ZFHX3: variants seen among roughly 807,000 people sequenced by gnomAD.
ZFHX3 encodes zinc finger homeobox 3.
A neutral mutation model predicts 279.1 loss-of-function variants in ZFHX3; 42 were observed. The ratio of observed to expected loss-of-function variants is 0.15; its 90% confidence interval spans 0.12 to 0.19. The LOEUF is 0.19. Ranked by LOEUF, ZFHX3 falls within the 10% of genes least tolerant of loss-of-function variation. The probability of loss-of-function intolerance (pLI) is 1.00; values close to 1 mark genes in which losing one functional copy is unlikely to be tolerated. For synonymous variants in ZFHX3, 2,293 were observed against 1,957.8 expected (o/e 1.17, Z -4.52); for missense variants, 4,981 against 4,754.0 (o/e 1.05, Z -1.40).
chr16:73,400,447 T>C (rs1054784477), intron 3 of ZFHX3: 1 of 152,168 alleles, frequency 6.6e-6, no homozygotes, highest in Non-Finnish European at 1.5e-5. Context: ...CTCAGGCAAG[T>C]AGATCTGTGG....
At chr16:72,809,180 AT>A (rs1429010916) in intron 7 of ZFHX3, among the ~76,000 whole-genome samples, 1 of 152,264 alleles carries the variant, frequency 6.6e-6, no homozygotes, top group Non-Finnish European at 1.5e-5. Context: ...CTAGGGATAT[AT>A]AAATGAAATT....
At position 72,849,290 on chromosome 16, in the gene ZFHX3, A is replaced by G. The variant is rs1484386959; in HGVS notation, c.3449-19431T>C. On this transcript the variant is annotated intron_variant, in intron 4 of 9. Transcript: ENST00000268489. ...TTGCGTGGGAAAGCTCTGCAGCCAG[A>G]GGAGCTGCAAGAGAAAAACGTGGCT... 2.0e-5 allele frequency among the ~76,000 whole-genome samples: 3 copies of G among 152,156 alleles called. No homozygotes were observed. The East Asian group carries it at 5.8e-4, about 29-fold the overall frequency.
chr16:72,851,067 T>G (rs35868667), intron 4 of ZFHX3, among the ~76,000 whole-genome samples: 2 of 152,106 alleles, frequency 1.3e-5, no homozygotes, highest in African/African-American at 4.8e-5. Flanking sequence ...AGCAGAAATA[T>G]TTCCTTTCAC....
In ZFHX3 at chr16:72,821,614, C is replaced by G. The variant is rs573777409; in HGVS notation, c.3529+8165G>C. 2.2e-3 allele frequency among the ~76,000 whole-genome samples: 328 copies of G among 152,338 alleles called. 1 individual carries two copies. The highest frequency in any genetic ancestry group is 7.3e-3 in the African/African-American group (305 of 41,572). On this transcript the variant is annotated intron_variant, in intron 5 of 9. Coordinates refer to ENST00000268489, the MANE Select transcript of ZFHX3 (RefSeq NM_006885.4). Reference sequence around the variant, plus strand: ...TACCCGAAGGCATCATTCAGCCCCCCTTGCTAGGTAATAAAGCACAATATT... The same window carrying G: ...TACCCGAAGGCATCATTCAGCCCCCGTTGCTAGGTAATAAAGCACAATATT...
At chr16:73,597,636 G>T (rs1169505800) in intron 2 of ZFHX3, among the ~76,000 whole-genome samples, 1 of 152,174 alleles carries the variant, frequency 6.6e-6, no homozygotes, top group Non-Finnish European at 1.5e-5. Context: ...AGACTGGCAT[G>T]ATGCATCCAC....
intron 3 of ZFHX3, among the ~76,000 whole-genome samples, chr16:72,919,354 T>C (rs60649391): frequency 0.016 from 2,460 of 151,902 alleles, 70 homozygotes; most frequent in African/African-American, 0.054. Flanking sequence ...GAGATGGGGG[T>C]TTCACCATGC....
intron 7 of ZFHX3, among the ~76,000 whole-genome samples, chr16:73,112,715 CAAAAAA>C (rs56149570): frequency 1.0e-3 from 31 of 30,258 alleles, no homozygotes; most frequent in Non-Finnish European, 1.5e-3. Context: ...GACTCCATCT[CAAAAAA>C]AAAAAAAAAA....
chr16:73,887,710 T>C (rs1172128509), intron 1 of ZFHX3, among the ~76,000 whole-genome samples: 1 of 152,128 alleles, frequency 6.6e-6, no homozygotes, highest in Admixed American at 6.5e-5. Flanking sequence ...ATAGTAATAA[T>C]AATTTTAAAG....
At chr16:73,558,329 G>C (rs2020317323) in intron 2 of ZFHX3, 1 of 152,168 alleles carries the variant, frequency 6.6e-6, no homozygotes, top group Non-Finnish European at 1.5e-5. Context: ...TATAAATGAG[G>C]ACAACTTTGA....
At chr16:73,699,835 G>A (rs1402411811) in intron 1 of ZFHX3, among the ~76,000 whole-genome samples, 2 of 152,208 alleles carry the variant, frequency 1.3e-5, no homozygotes, top group Non-Finnish European at 2.9e-5. Context: ...TCTGCCTCAA[G>A]TTTGGGAGAC....
At chr16:73,716,639 ACACACACACAC>A (rs747592790) in intron 1 of ZFHX3, among the ~76,000 whole-genome samples, 3,871 of 137,950 alleles carry the variant, frequency 0.028, 69 homozygotes, top group Non-Finnish European at 0.042. Flanking sequence ...ACACACACAC[ACACACACACAC>A]GCATGCACGC....
chr16:73,143,281 G>T (rs1221302190), intron 6 of ZFHX3, among the ~76,000 whole-genome samples: 1 of 152,098 alleles, frequency 6.6e-6, no homozygotes, highest in African/African-American at 2.4e-5. Flanking sequence ...CCCGAGAAGA[G>T]AAGAGAACTC....
intron 1 of ZFHX3, among the ~76,000 whole-genome samples, chr16:73,833,243 G>C (rs955110511): frequency 6.6e-6 from 1 of 152,080 alleles, no homozygotes; most frequent in African/African-American, 2.4e-5. Flanking sequence ...CACACCTGTA[G>C]TCTTACCTAC....
chr16:73,161,861 A>C (rs1468729396), intron 5 of ZFHX3, among the ~76,000 whole-genome samples: 4 of 152,172 alleles, frequency 2.6e-5, no homozygotes, highest in Non-Finnish European at 5.9e-5. Flanking sequence ...AGACTTACTG[A>C]AACTTCTAGA....
intron 2 of ZFHX3, among the ~76,000 whole-genome samples, chr16:73,618,884 C>G (rs1443080939): frequency 6.6e-6 from 1 of 152,096 alleles, no homozygotes; most frequent in East Asian, 1.9e-4. Flanking sequence ...GAACTAGAAT[C>G]CTGGCCTAAT....
intron 2 of ZFHX3, among the ~76,000 whole-genome samples, chr16:73,500,691 CAAAAA>C (rs35032435): frequency 8.3e-5 from 8 of 96,904 alleles, no homozygotes; most frequent in South Asian, 3.4e-4. Flanking sequence ...TTTTAAAATA[CAAAAA>C]AAAAAAAAAA....
chr16:73,096,935 A>G (rs1236712253), intron 7 of ZFHX3, among the ~76,000 whole-genome samples: 1 of 152,156 alleles, frequency 6.6e-6, no homozygotes, highest in Non-Finnish European at 1.5e-5. Flanking sequence ...AAACACAGCC[A>G]TAAGTATGTG....
intron 1 of ZFHX3, among the ~76,000 whole-genome samples, chr16:73,796,996 G>C (rs1436512664): frequency 6.6e-6 from 1 of 152,022 alleles, no homozygotes; most frequent in Non-Finnish European, 1.5e-5. Flanking sequence ...GAGGTCGGGA[G>C]TTCGAGACCA....
chr16:73,240,849 T>A (rs1413440364), intron 5 of ZFHX3, among the ~76,000 whole-genome samples: 2 of 152,232 alleles, frequency 1.3e-5, no homozygotes, highest in Non-Finnish European at 2.9e-5. Flanking sequence ...GTTTTGCTTA[T>A]TTCCAAATAG....
Sources: allele counts gnomAD v4.1 joint callset (sites outside exome capture counted in the v4.1 genomes callset), GRCh38; gene constraint gnomAD v4.1.1; transcripts MANE v1.5; gene names NCBI Gene and HGNC (gene_info 2026-07-23, HGNC 2026-07-21).